The following CD244 variants were observed in gnomAD, a reference collection of about 807,000 sequenced individuals.
CD244 encodes the protein CD244 molecule.
CD244 carries 20 observed loss-of-function variants against 45.5 expected under a neutral mutation model. The ratio of observed to expected loss-of-function variants is 0.44; its 90% CI spans 0.31 to 0.64. The LOEUF (loss-of-function observed/expected upper bound fraction) is 0.64, where lower values mean the gene tolerates loss of function less well. CD244 is among the 30% of genes least tolerant of loss of function. The pLI is 0.08. For synonymous variants in CD244, 185 were observed against 160.5 expected (o/e 1.15, Z -1.15); for missense variants, 407 against 426.9 (o/e 0.95, Z 0.41).
chr1:160,836,624 A>G (rs1412126969), intron 5 of CD244, among the ~76,000 whole-genome samples: 1 of 152,232 alleles, frequency 6.6e-6, no homozygotes. Context: ...TAAACATTTC[A>G]AAGACCAAAC....
At chr1:160,857,781 C>G (rs1248981370) in intron 1 of CD244, among the ~76,000 whole-genome samples, 1 of 152,140 alleles carries the variant, frequency 6.6e-6, no homozygotes, top group Admixed American at 6.5e-5. Flanking sequence ...GCACAGTGGC[C>G]CACATCTGTA....
intron 6 of CD244, 87 bp from the exon 7 acceptor site, chr1:160,834,203 C>A: frequency 9.8e-7 from 1 of 1,016,676 alleles, no homozygotes. Context: ...TCCTCCTCAA[C>A]CCTGCCCAGA....
At chr1:160,832,596 G>A (rs1309975611) in intron 7 of CD244, 21 bp from the exon 8 acceptor site, 3 of 1,611,722 alleles carry the variant, frequency 1.9e-6, no homozygotes, top group Non-Finnish European at 2.5e-6. Flanking sequence ...AGAAGGTAAA[G>A]AATACTTAAC....
intron 1 of CD244, among the ~76,000 whole-genome samples, chr1:160,859,218 A>C (rs1301800867): frequency 6.6e-6 from 1 of 152,144 alleles, no homozygotes; most frequent in Non-Finnish European, 1.5e-5. Context: ...AGGCAGAGAA[A>C]ACTGTGGATA....
chr1:160,843,844 T>C (rs1214959367), intron 1 of CD244, among the ~76,000 whole-genome samples: 1 of 152,190 alleles, frequency 6.6e-6, no homozygotes, highest in Non-Finnish European at 1.5e-5. Context: ...ATCTTCTGAT[T>C]CCATAAATGG....
intron 1 of CD244, chr1:160,848,572 A>G (rs969995313): frequency 1.3e-5 from 5 of 381,322 alleles, no homozygotes; most frequent in African/African-American, 1.1e-4. Context: ...AAGAAATGCT[A>G]CACAGAGAGA....
At chr1:160,835,528 C>G (rs1317628944) in intron 6 of CD244, among the ~76,000 whole-genome samples, 4 of 152,144 alleles carry the variant, frequency 2.6e-5, no homozygotes. Context: ...GGGAGGATCA[C>G]TTGAGGCCGG....
intron 3 of CD244, among the ~76,000 whole-genome samples, chr1:160,840,410 C>T (rs1182419823): frequency 2.0e-5 from 3 of 151,878 alleles, no homozygotes; most frequent in Admixed American, 6.6e-5. Flanking sequence ...TACAGGTGCC[C>T]GCCAACACGC....
chr1:160,839,080 C>T (rs768898033), intron 3 of CD244, 31 bp from the exon 4 acceptor site: 3 of 1,505,106 alleles, frequency 2.0e-6, no homozygotes, highest in Non-Finnish European at 2.8e-6. Flanking sequence ...GAGAACTGAG[C>T]TGTCAGCTCG....
At chr1:160,834,953 C>T (rs1205288653) in intron 6 of CD244, among the ~76,000 whole-genome samples, 1 of 152,218 alleles carries the variant, frequency 6.6e-6, no homozygotes. Flanking sequence ...GAGGGGACCT[C>T]TTTCTTGCAC....
chr1:160,860,163 G>A (rs1221774131), intron 1 of CD244, among the ~76,000 whole-genome samples: 6 of 151,982 alleles, frequency 3.9e-5, no homozygotes, highest in African/African-American at 1.5e-4. Flanking sequence ...AGCCGAGATT[G>A]GACCACTGTA....
chr1:160,849,916 G>A (rs1669862717), intron 1 of CD244, among the ~76,000 whole-genome samples: 2 of 152,094 alleles, frequency 1.3e-5, no homozygotes, highest in Admixed American at 1.3e-4. Flanking sequence ...GGAGGCTGAG[G>A]CAGGAGAATC....
chr1:160,850,064 T>G (rs1669869303), intron 1 of CD244, among the ~76,000 whole-genome samples: 1 of 152,164 alleles, frequency 6.6e-6, no homozygotes, highest in Admixed American at 6.5e-5. Flanking sequence ...TATATACCTG[T>G]GTATATAGGA....
At chr1:160,854,864 G>A (rs960006661) in intron 1 of CD244, among the ~76,000 whole-genome samples, 4 of 152,206 alleles carry the variant, frequency 2.6e-5, no homozygotes, top group African/African-American at 7.2e-5. Flanking sequence ...AACACCAGGT[G>A]TTGTTTTGAT....
At chr1:160,837,801 C>T (rs1669385339) in intron 5 of CD244, among the ~76,000 whole-genome samples, 1 of 152,240 alleles carries the variant, frequency 6.6e-6, no homozygotes, top group Non-Finnish European at 1.5e-5. Context: ...CTGCCCTAAG[C>T]GAGACACAGC....
intron 5 of CD244, 84 bp from the exon 6 acceptor site, chr1:160,836,338 G>A: frequency 1.9e-6 from 2 of 1,041,074 alleles, no homozygotes; most frequent in Non-Finnish European, 3.0e-6. Flanking sequence ...ACAGCACAAA[G>A]AAGAGGGCTT....
intron 5 of CD244, among the ~76,000 whole-genome samples, chr1:160,836,752 A>T (rs190468963): frequency 1.3e-3 from 198 of 152,282 alleles, no homozygotes; most frequent in Non-Finnish European, 1.7e-3. Context: ...AGCAGGAAGC[A>T]GAGCTTCCTG....
At chr1:160,832,768 A>G (rs1373109782) in intron 7 of CD244, 193 bp from the exon 8 acceptor site, 3 of 1,186,910 alleles carry the variant, frequency 2.5e-6, no homozygotes, top group Non-Finnish European at 3.5e-6. Flanking sequence ...GACACAATAT[A>G]TACAGTATTT....
intron 1 of CD244, among the ~76,000 whole-genome samples, chr1:160,852,636 G>A (rs1288818495): frequency 6.6e-6 from 1 of 152,184 alleles, no homozygotes; most frequent in Non-Finnish European, 1.5e-5. Context: ...GCTAGTGAGA[G>A]TGTAAATTGG....
Sources: gnomAD v4.1 joint callset for allele counts (sites outside exome capture counted in the v4.1 genomes callset) on GRCh38, gnomAD v4.1.1 for gene constraint, MANE v1.5 for transcripts, NCBI Gene and HGNC (gene_info 2026-07-23, HGNC 2026-07-21) for gene names.